Variants in ADAMTS6 observed in about 807,000 individuals in gnomAD.
ADAMTS6 encodes A disintegrin and metalloproteinase with thrombospondin motifs 6.
A neutral mutation model predicts 144.3 loss-of-function variants in ADAMTS6; 23 were observed. The ratio of observed to expected loss-of-function variants is 0.16; its 90% CI spans 0.11 to 0.23. The LOEUF (loss-of-function observed/expected upper bound fraction) is 0.23, where lower values mean the gene tolerates loss of function less well. Among genes scored for constraint, ADAMTS6 ranks in the 10% least tolerant of loss-of-function variants. The pLI is 1.00. For synonymous variants in ADAMTS6, 444 were observed against 457.5 expected, an observed-to-expected ratio of 0.97 and a Z score of 0.38; for missense variants, 999 against 1,379.6, an observed-to-expected ratio of 0.72 and a Z score of 4.37.
chr5:65,321,681 A>T (rs1226089492), intron 9 of ADAMTS6, among the ~76,000 whole-genome samples: 1 of 147,496 alleles, frequency 6.8e-6, no homozygotes, highest in Non-Finnish European at 1.5e-5. Context: ...TTTTACATCT[A>T]AGTCTTCAAT....
chr5:65,417,357 T>C (rs1312495079), intron 7 of ADAMTS6, among the ~76,000 whole-genome samples: 2 of 152,102 alleles, frequency 1.3e-5, no homozygotes, highest in Non-Finnish European at 2.9e-5. Context: ...CTATTCAACA[T>C]AGTATTGGAA....
At chr5:65,350,948 T>C (rs550627157) in intron 7 of ADAMTS6, among the ~76,000 whole-genome samples, 2 of 152,308 alleles carry the variant, frequency 1.3e-5, no homozygotes, top group African/African-American at 4.8e-5. Context: ...GAACCCGGCC[T>C]CTAACTTTAT....
intron 14 of ADAMTS6, among the ~76,000 whole-genome samples, chr5:65,256,128 C>T (rs915055757): frequency 1.3e-5 from 2 of 152,156 alleles, no homozygotes; most frequent in African/African-American, 4.8e-5. Context: ...AGCTCTGTAC[C>T]GTCCTATATG....
intron 15 of ADAMTS6, among the ~76,000 whole-genome samples, chr5:65,240,587 A>T (rs1759091204): frequency 6.6e-6 from 1 of 152,140 alleles, no homozygotes; most frequent in South Asian, 2.1e-4. Flanking sequence ...TGGGAATAGT[A>T]GCCTTATAAG....
chr5:65,309,864 T>C (rs1744317460), intron 9 of ADAMTS6, among the ~76,000 whole-genome samples: 1 of 152,058 alleles, frequency 6.6e-6, no homozygotes, highest in Non-Finnish European at 1.5e-5. Context: ...CCCAGCACTC[T>C]GGGAGACTGA....
chr5:65,416,396 GTTAAACATAGAA>G (rs1213634761), intron 7 of ADAMTS6, among the ~76,000 whole-genome samples: 2 of 152,074 alleles, frequency 1.3e-5, no homozygotes, highest in African/African-American at 2.4e-5. Flanking sequence ...TCTTCAAAAG[GTTAAACATAGAA>G]TCACCATATG....
At chr5:65,262,521 T>C (rs1467308450) in intron 13 of ADAMTS6, among the ~76,000 whole-genome samples, 1 of 152,170 alleles carries the variant, frequency 6.6e-6, no homozygotes, top group East Asian at 1.9e-4. Context: ...CATAATTCAG[T>C]AGTTTTTGGA....
chr5:65,471,008 G>A lies in ADAMTS6; in HGVS notation c.232C>T (p.Pro78Ser), dbSNP rs777898507. 5.6e-6 allele frequency: 9 copies of A among 1,612,828 alleles called. No homozygotes were observed. Among genetic ancestry groups the A allele is most frequent in the Non-Finnish European group, 4.2e-6 (5 of 1,179,616 alleles). Residue 78 changes from proline to serine, a missense_variant, in exon 3 of 25, where the codon CCA becomes TCA. Pro to Ser is a moderately conservative substitution (Grantham distance 74). Coordinates refer to ENST00000381055, the MANE Select transcript of ADAMTS6 (RefSeq NM_197941.4). The stretch of plus-strand genomic sequence containing the variant: ...AATAACTTAGATACTGCCTGCTGTG[G>A]ATCAATAGGGTCCATACTCCGTCTT... Reference protein sequence around the residue: ...RRRRSMDPIDPQQAVSKLFFK... With the variant: ...RRRRSMDPIDSQQAVSKLFFK...
intron 7 of ADAMTS6, among the ~76,000 whole-genome samples, chr5:65,384,166 C>T (rs566226490): frequency 3.7e-4 from 56 of 152,338 alleles, no homozygotes; most frequent in African/African-American, 1.3e-3. Flanking sequence ...TACTAATCTC[C>T]TTATCAAACG....
rs553135976 is a variant in ADAMTS6 at position 65,297,102 on chromosome 5, C to G, written c.1370+2883G>C. The G allele has an allele frequency of 1.2e-3, 515 of 423,802 alleles. 4 individuals are homozygous for G. The highest frequency in any genetic ancestry group is 8.0e-3 in the South Asian group (466 of 58,092). 26.3% of individuals were successfully genotyped at this position (423,802 alleles called of 1,614,324 possible). On this transcript the variant is annotated intron_variant, in intron 10 of 24. Coordinates refer to ENST00000381055, the MANE Select transcript of ADAMTS6 (RefSeq NM_197941.4). ...CAGTCCCGCAGGCAGATAGGAAAGACACTACCTGCAAAGCCGTCGCCGGAA... is the reference window on the plus strand; with the variant it reads ...CAGTCCCGCAGGCAGATAGGAAAGAGACTACCTGCAAAGCCGTCGCCGGAA...
chr5:65,308,382 G>A (rs963253221), intron 9 of ADAMTS6, among the ~76,000 whole-genome samples: 1 of 152,152 alleles, frequency 6.6e-6, no homozygotes, highest in Non-Finnish European at 1.5e-5. Context: ...ATGCAATTAT[G>A]TTTGTTCTGT....
intron 9 of ADAMTS6, among the ~76,000 whole-genome samples, chr5:65,313,171 A>ACG (rs1388501903): frequency 1.4e-5 from 2 of 145,238 alleles, no homozygotes; most frequent in Non-Finnish European, 3.0e-5. Context: ...ACACACACAC[A>ACG]CACACACAGA....
intron 7 of ADAMTS6, among the ~76,000 whole-genome samples, chr5:65,385,577 T>C (rs1752412950): frequency 1.3e-5 from 2 of 152,202 alleles, no homozygotes; most frequent in South Asian, 2.1e-4. Context: ...AAAATTATCA[T>C]CATTTTTTAT....
At chr5:65,354,497 ATT>A (rs1488859256) in intron 7 of ADAMTS6, among the ~76,000 whole-genome samples, 3 of 151,852 alleles carry the variant, frequency 2.0e-5, no homozygotes, top group African/African-American at 7.2e-5. Context: ...TATTTTTGAC[ATT>A]TTAATTATTG....
intron 9 of ADAMTS6, among the ~76,000 whole-genome samples, chr5:65,320,763 A>G (rs1193493935): frequency 6.6e-6 from 1 of 152,064 alleles, no homozygotes; most frequent in East Asian, 1.9e-4. Context: ...ATATGTTCTC[A>G]TAATTTAGCT....
At chr5:65,258,136 T>A (rs1760851298) in intron 14 of ADAMTS6, among the ~76,000 whole-genome samples, 1 of 150,952 alleles carries the variant, frequency 6.6e-6, no homozygotes. Context: ...GAAAATAGAG[T>A]AGGGTAAGGA....
intron 7 of ADAMTS6, among the ~76,000 whole-genome samples, chr5:65,437,223 T>C (rs1352110907): frequency 6.6e-6 from 1 of 151,430 alleles, no homozygotes; most frequent in South Asian, 2.1e-4. Context: ...GCCTCCCGAG[T>C]AGCTGGGACT....
chr5:65,327,017 T>G (rs759088468), intron 9 of ADAMTS6, among the ~76,000 whole-genome samples: 1 of 152,116 alleles, frequency 6.6e-6, no homozygotes, highest in Non-Finnish European at 1.5e-5. Flanking sequence ...TGGGGCCTGG[T>G]GGGAGGTATT....
At chr5:65,414,856 T>G (rs948033793) in intron 7 of ADAMTS6, among the ~76,000 whole-genome samples, 2 of 152,020 alleles carry the variant, frequency 1.3e-5, no homozygotes, top group African/African-American at 4.8e-5. Flanking sequence ...AAGACCTAAA[T>G]GTAAGGGCTA....
Sources: allele counts gnomAD v4.1 joint callset (sites outside exome capture counted in the v4.1 genomes callset), GRCh38; gene constraint gnomAD v4.1.1; transcripts MANE v1.5; gene names NCBI Gene and HGNC (gene_info 2026-07-23, HGNC 2026-07-21).